The following UNC13C variants were observed in gnomAD, a reference collection of about 807,000 sequenced individuals.
The protein encoded by UNC13C is protein unc-13 homolog C.
A neutral mutation model predicts 245.4 loss-of-function variants in UNC13C; 174 were observed. The ratio of observed to expected loss-of-function variants is 0.71; its 90% CI spans 0.63 to 0.80. UNC13C has a LOEUF of 0.80. UNC13C is among the 30% of genes least tolerant of loss of function. The pLI is 0.00. For missense variants in UNC13C, 2,829 were observed against 2,602.9 expected (o/e 1.09, Z -1.89); for synonymous variants, 992 against 895.1 (o/e 1.11, Z -1.93).
chr15:54,355,908 T>C (rs1169094223), intron 17 of UNC13C, among the ~76,000 whole-genome samples: 2 of 152,180 alleles, frequency 1.3e-5, no homozygotes, highest in Non-Finnish European at 2.9e-5. Flanking sequence ...TAGATGTATA[T>C]ATAGATATGT....
chr15:54,420,663 A>G (rs2040622206), intron 19 of UNC13C, among the ~76,000 whole-genome samples: 1 of 152,106 alleles, frequency 6.6e-6, no homozygotes, highest in South Asian at 2.1e-4. Flanking sequence ...TTAAACAAAA[A>G]TAATAGTCAG....
chr15:54,131,326 G>T (rs2031400797), intron 2 of UNC13C, among the ~76,000 whole-genome samples: 2 of 152,226 alleles, frequency 1.3e-5, no homozygotes, highest in Admixed American at 6.5e-5. Context: ...TCATTCTCTT[G>T]CTTGAAAATA....
At chr15:54,334,399 C>T (rs2140998687) in intron 16 of UNC13C, among the ~76,000 whole-genome samples, 1 of 152,192 alleles carries the variant, frequency 6.6e-6, no homozygotes. Context: ...GAGTTTTCGG[C>T]AGTCATAGTT....
chr15:54,332,094 G>C lies in UNC13C; in HGVS notation c.4477G>C (p.Asp1493His). The change falls in exon 15 of 33, where the codon GAT becomes CAT. Residue 1493 changes from aspartate to histidine, a missense_variant. Asp to His is a moderately conservative substitution (Grantham distance 81). Transcript: ENST00000260323. ...LDQLHNSLRI[D>H]LSKYRENFPA... The stretch of plus-strand genomic sequence containing the variant: ...CCAGTTACATAACTCTTTGAGGATT[G>C]ATCTGTCAAAGTATAGGGTATGTAC... 1.3e-6 allele frequency: 2 copies of C among 1,578,102 alleles called. No homozygotes were observed. Among genetic ancestry groups the C allele is most frequent in the Non-Finnish European group, 1.7e-6 (2 of 1,160,002 alleles).
At chr15:54,191,949 G>A (rs908909444) in intron 4 of UNC13C, among the ~76,000 whole-genome samples, 7 of 152,038 alleles carry the variant, frequency 4.6e-5, no homozygotes, top group African/African-American at 1.7e-4. Context: ...CTAGATATTA[G>A]CCCTTTGTCA....
At chr15:54,313,796 T>C (rs528075101) in intron 13 of UNC13C, among the ~76,000 whole-genome samples, 1 of 151,368 alleles carries the variant, frequency 6.6e-6, no homozygotes, top group East Asian at 2.0e-4. Context: ...CCAAAGTAAA[T>C]AAAATCATTA....
At chr15:54,182,219 G>A (rs1047037344) in intron 4 of UNC13C, among the ~76,000 whole-genome samples, 4 of 151,834 alleles carry the variant, frequency 2.6e-5, no homozygotes, top group African/African-American at 9.7e-5. Context: ...TCGATGCCTA[G>A]TTTCTTAAGT....
chr15:54,575,072 G>T (rs1472820712), intron 30 of UNC13C, among the ~76,000 whole-genome samples: 1 of 152,120 alleles, frequency 6.6e-6, no homozygotes, highest in African/African-American at 2.4e-5. Context: ...GTCTGTCTCT[G>T]TCACCCAAGC....
intron 30 of UNC13C, among the ~76,000 whole-genome samples, chr15:54,600,514 G>C (rs1472031903): frequency 2.0e-5 from 3 of 152,004 alleles, no homozygotes; most frequent in Non-Finnish European, 2.9e-5. Context: ...ATTATAGGGG[G>C]CCTTTTAGAT....
At chr15:54,324,157 A>G (rs1248957915) in intron 14 of UNC13C, among the ~76,000 whole-genome samples, 1 of 152,018 alleles carries the variant, frequency 6.6e-6, no homozygotes, top group Non-Finnish European at 1.5e-5. Context: ...ATTTGACTAT[A>G]TTTTTCTAGC....
intron 2 of UNC13C, among the ~76,000 whole-genome samples, chr15:54,060,868 A>G (rs534103533): frequency 6.6e-6 from 1 of 152,162 alleles, no homozygotes; most frequent in Non-Finnish European, 1.5e-5. Flanking sequence ...TATCACAAGG[A>G]CAAAAAACCA....
intron 6 of UNC13C, among the ~76,000 whole-genome samples, chr15:54,236,905 G>C (rs1028366308): frequency 1.3e-5 from 2 of 152,138 alleles, no homozygotes; most frequent in African/African-American, 4.8e-5. Context: ...CAGTTTTACT[G>C]TTCCCATATG....
At chr15:54,408,878 A>G (rs940567254) in intron 18 of UNC13C, among the ~76,000 whole-genome samples, 1 of 152,222 alleles carries the variant, frequency 6.6e-6, no homozygotes. Context: ...AGAGACATCT[A>G]TTCATGTCAA....
the UNC13C span, among the ~76,000 whole-genome samples, chr15:53,847,488 C>T: frequency 6.6e-6 from 1 of 150,804 alleles, no homozygotes; most frequent in Non-Finnish European, 1.5e-5. Flanking sequence ...TCCCAAGCAG[C>T]TGGGATTACA....
At chr15:54,584,190 A>G (rs756883634) in intron 30 of UNC13C, among the ~76,000 whole-genome samples, 1 of 152,202 alleles carries the variant, frequency 6.6e-6, no homozygotes, top group Admixed American at 6.5e-5. Flanking sequence ...TGAAGACCAA[A>G]TTAGGAACCT....
intron 2 of UNC13C, among the ~76,000 whole-genome samples, chr15:54,080,006 G>GTTTTTTTTTTTTTTTTTT (rs3985784): frequency 7.7e-6 from 1 of 129,902 alleles, no homozygotes; most frequent in Non-Finnish European, 1.7e-5. Flanking sequence ...TTGTCGAGCG[G>GTTTTTTTTTTTTTTTTTT]TTTTTTTTTT....
At chr15:54,426,919 T>A (rs939383760) in intron 19 of UNC13C, among the ~76,000 whole-genome samples, 1 of 151,782 alleles carries the variant, frequency 6.6e-6, no homozygotes, top group Non-Finnish European at 1.5e-5. Context: ...TTAGCTTTGG[T>A]GATGATGATC....
chr15:54,484,497 T>A (rs1266699583), intron 19 of UNC13C, among the ~76,000 whole-genome samples: 1 of 152,180 alleles, frequency 6.6e-6, no homozygotes, highest in African/African-American at 2.4e-5. Flanking sequence ...AATTTAGACT[T>A]ATTAAACAAA....
chr15:54,208,377 C>T (rs1451328111), intron 4 of UNC13C, among the ~76,000 whole-genome samples: 3 of 151,992 alleles, frequency 2.0e-5, no homozygotes, highest in East Asian at 1.9e-4. Context: ...AATTAATGTG[C>T]GTATGTAGCT....
Sources: allele counts gnomAD v4.1 joint callset (sites outside exome capture counted in the v4.1 genomes callset), GRCh38; gene constraint gnomAD v4.1.1; transcripts MANE v1.5; gene names NCBI Gene and HGNC (gene_info 2026-07-23, HGNC 2026-07-21).